Variants in RNF220 observed in about 807,000 individuals in gnomAD.
RNF220 encodes E3 ubiquitin-protein ligase RNF220.
RNF220 carries 7 observed loss-of-function variants against 67.1 expected under a neutral mutation model. The observed-to-expected ratio is 0.10, with a 90% CI of 0.06 to 0.20. The LOEUF (loss-of-function observed/expected upper bound fraction) is 0.20. RNF220 is among the 10% of genes least tolerant of loss of function. RNF220 has a pLI of 1.00. For synonymous variants in RNF220, 270 were observed against 283.2 expected (o/e 0.95, Z 0.47); for missense variants, 565 against 740.3 (o/e 0.76, Z 2.75).
intron 2 of RNF220, among the ~76,000 whole-genome samples, chr1:44,532,799 T>C (rs1660930467): frequency 6.6e-6 from 1 of 152,200 alleles, no homozygotes; most frequent in African/African-American, 2.4e-5. Context: ...CTATTTGCTA[T>C]CCACCTGTGT....
At position 44,606,008 on chromosome 1, in the gene RNF220, C is replaced by T. The variant is rs1014933280; in HGVS notation, c.626-8157C>T. 2.0e-5 allele frequency among the ~76,000 whole-genome samples: 3 copies of T among 152,178 alleles called. No individual in the cohort carries two copies. The highest frequency in any genetic ancestry group is 7.2e-5 in the African/African-American group (3 of 41,434). ...GCTAAATACATATCTCTCCCCTGCCCGCCCTACCCCTACCTCCTCAACCAG... is the reference window on the plus strand; with the variant it reads ...GCTAAATACATATCTCTCCCCTGCCTGCCCTACCCCTACCTCCTCAACCAG... On this transcript the variant is annotated intron_variant, in intron 2 of 14. Coordinates refer to ENST00000361799, the MANE Select transcript of RNF220 (RefSeq NM_018150.4). This position sits in a 1 kb window ranked among gnomAD's most constrained non-coding sequence, Gnocchi z 4.2.
intron 2 of RNF220, among the ~76,000 whole-genome samples, chr1:44,572,485 T>C (rs952249866): frequency 2.4e-4 from 36 of 152,262 alleles, no homozygotes; most frequent in Admixed American, 3.3e-4. Flanking sequence ...GACTCTTCAC[T>C]AAATGAAAAG....
chr1:44,596,908 A>G (rs1666538225), intron 2 of RNF220, among the ~76,000 whole-genome samples: 1 of 152,260 alleles, frequency 6.6e-6, no homozygotes, highest in Non-Finnish European at 1.5e-5. Context: ...TAGTTAAAAC[A>G]TCAGAGTCTA....
intron 2 of RNF220, among the ~76,000 whole-genome samples, chr1:44,574,761 G>T (rs539809411): frequency 6.6e-6 from 1 of 152,172 alleles, no homozygotes; most frequent in African/African-American, 2.4e-5. Flanking sequence ...CCTCCAGCCC[G>T]GGGTGGGGTG....
intron 2 of RNF220, among the ~76,000 whole-genome samples, chr1:44,496,996 A>G (rs1380106336): frequency 6.6e-6 from 1 of 152,080 alleles, no homozygotes; most frequent in Non-Finnish European, 1.5e-5. Flanking sequence ...GATTGCCTCA[A>G]AGGTGAAGAG....
intron 2 of RNF220, among the ~76,000 whole-genome samples, chr1:44,458,932 G>C (rs1217299658): frequency 6.6e-6 from 1 of 152,220 alleles, no homozygotes; most frequent in Admixed American, 6.5e-5. Context: ...CAGTAGGGAA[G>C]AGGCTGGTTA....
At chr1:44,472,929 G>C (rs1040847355) in intron 2 of RNF220, among the ~76,000 whole-genome samples, 1 of 152,104 alleles carries the variant, frequency 6.6e-6, no homozygotes, top group Admixed American at 6.5e-5. Context: ...TTTGCTTCTC[G>C]GCAGCACTCA....
At chr1:44,485,792 G>A (rs1333320149) in intron 2 of RNF220, among the ~76,000 whole-genome samples, 1 of 152,162 alleles carries the variant, frequency 6.6e-6, no homozygotes, top group Non-Finnish European at 1.5e-5. Flanking sequence ...AGATGCTGGG[G>A]TAATTACATG....
chr1:44,494,337 T>A, intron 2 of RNF220, among the ~76,000 whole-genome samples: 1 of 151,836 alleles, frequency 6.6e-6, no homozygotes, highest in Admixed American at 6.6e-5. Flanking sequence ...GCTAAAAATA[T>A]GATTGATGTA....
chr1:44,632,346 T>C lies in RNF220; in HGVS notation c.910T>C (p.Phe304Leu), dbSNP rs1200001171. Residue 304 changes from phenylalanine to leucine, a missense_variant, in exon 6 of 15, where the codon TTT (phenylalanine) becomes CTT (leucine). Phe to Leu is a conservative substitution (Grantham distance 22). Coordinates refer to ENST00000361799, the MANE Select transcript of RNF220 (RefSeq NM_018150.4). ...DLHHSDRYQT[F>L]LRVRANRQTR... Reference sequence around the variant, plus strand: ...TCTGCCCGCGATCTTCTCCCAGACCTTTCTGCGAGTACGAGCCAACCGGCA... The same window carrying C: ...TCTGCCCGCGATCTTCTCCCAGACCCTTCTGCGAGTACGAGCCAACCGGCA... 1.2e-6 allele frequency: 2 copies of C among 1,614,096 alleles called. No individual in the cohort carries two copies. Among genetic ancestry groups the C allele is most frequent in the South Asian group, 2.2e-5 (2 of 91,092 alleles).
intron 2 of RNF220, among the ~76,000 whole-genome samples, chr1:44,562,684 T>C (rs1179243326): frequency 1.3e-5 from 2 of 152,114 alleles, no homozygotes; most frequent in African/African-American, 4.8e-5. Flanking sequence ...GGAGCATGCT[T>C]AGCTCAAGGA....
At chr1:44,567,209 G>A (rs1348101136) in intron 2 of RNF220, among the ~76,000 whole-genome samples, 2 of 152,084 alleles carry the variant, frequency 1.3e-5, no homozygotes, top group African/African-American at 4.8e-5. Flanking sequence ...AGGGAACCAG[G>A]AACAGTACAA....
In RNF220 at chr1:44,520,128, TGA is replaced by T. The variant is rs1553236436; in HGVS notation, c.626-94020_626-94019del. 4.0e-3 allele frequency among the ~76,000 whole-genome samples: 454 copies of T among 113,418 alleles called. 3 individuals are homozygous for T. Among genetic ancestry groups the T allele is most frequent in the East Asian group, 5.5e-3 (21 of 3,814 alleles). 74.4% of individuals were successfully genotyped at this position (113,418 alleles called of 152,430 possible). A position where few individuals can be genotyped will look rare whatever the true frequency, so the allele number is the denominator to read the frequency against. Reference sequence around the variant, plus strand: ...GTGTGTGTGTGTGTGTGTGTGTGTGTGAGAGAGAGAGAGAGAGAAAGAGAGAG... The same window carrying T: ...GTGTGTGTGTGTGTGTGTGTGTGTGTGAGAGAGAGAGAGAGAAAGAGAGAG... On this transcript the variant is annotated intron_variant, in intron 2 of 14. Coordinates refer to ENST00000361799, the MANE Select transcript of RNF220 (RefSeq NM_018150.4).
intron 2 of RNF220, among the ~76,000 whole-genome samples, chr1:44,474,461 C>CACT (rs1304445293): frequency 6.6e-6 from 1 of 150,634 alleles, no homozygotes; most frequent in Non-Finnish European, 1.5e-5. Context: ...GTAATCCCAA[C>CACT]ACTTTGGGAG....
At chr1:44,642,813 A>C (rs1356514909) in intron 8 of RNF220, among the ~76,000 whole-genome samples, 3 of 152,136 alleles carry the variant, frequency 2.0e-5, no homozygotes, top group Non-Finnish European at 1.5e-5. Flanking sequence ...GGCCAGGCCG[A>C]GCAGAAGATG....
At chr1:44,560,019 T>G (rs541029600) in intron 2 of RNF220, among the ~76,000 whole-genome samples, 11 of 152,198 alleles carry the variant, frequency 7.2e-5, no homozygotes, top group Non-Finnish European at 1.6e-4. Flanking sequence ...CCCGGCTCTC[T>G]GGCTTCTGTC....
At chr1:44,460,555 C>T (rs7349179) in intron 2 of RNF220, among the ~76,000 whole-genome samples, 5,860 of 152,240 alleles carry the variant, frequency 0.038, 141 homozygotes, top group South Asian at 0.11. Flanking sequence ...AATGGGAGAT[C>T]GGAGAGTTCT....
rs571934178 is a variant in RNF220, at chr1:44,528,356, A to G, written c.626-85809A>G. ...CACTCTGTCACCCAGGCTGGAGTCC[A>G]GTGGCGCTATCTCGGCTCACTGCAA... is the stretch of plus-strand genomic sequence containing the variant. On this transcript the variant is annotated intron_variant, in intron 2 of 14. Coordinates refer to ENST00000361799, the MANE Select transcript of RNF220 (RefSeq NM_018150.4). Among the ~76,000 whole-genome samples the G allele has an allele frequency of 2.0e-5, 3 of 151,276 alleles. No individual in the cohort carries two copies. The South Asian group carries it at 6.3e-4, about 32-fold the overall frequency.
rs1369258277 is a variant in RNF220 at position 44,645,517 on chromosome 1, G to A, written c.1445+29G>A. The A allele has an allele frequency of 1.2e-6, 2 of 1,608,326 alleles. No individual in the cohort carries two copies. Among genetic ancestry groups the A allele is most frequent in the African/African-American group, 2.7e-5 (2 of 74,768 alleles). On this transcript the variant is annotated intron_variant, in intron 12 of 14. Transcript: ENST00000361799. The surrounding 1 kb of genome is among the most constrained non-coding windows in gnomAD (Gnocchi z 5.0). Reference sequence around the variant, plus strand: ...AGTGTTTGGCCAGGAGAGAGCCCTGGGACCACAGTTCAGTGGGAGGAGGGG... The same window carrying A: ...AGTGTTTGGCCAGGAGAGAGCCCTGAGACCACAGTTCAGTGGGAGGAGGGG...
Sources: allele counts gnomAD v4.1 joint callset (sites outside exome capture counted in the v4.1 genomes callset), GRCh38; gene constraint gnomAD v4.1.1; non-coding constraint Gnocchi (gnomAD v3.1); transcripts MANE v1.5; gene names NCBI Gene and HGNC (gene_info 2026-07-23, HGNC 2026-07-21).